Variants in PRPF3 observed in about 807,000 individuals in gnomAD.
PRPF3 encodes pre-mRNA processing factor 3, also known as U4/U6 small nuclear ribonucleoprotein Prp3.
PRPF3 carries 3 observed loss-of-function variants against 89.2 expected under a neutral mutation model. The observed-to-expected ratio is 0.03, with a 90% CI of 0.02 to 0.09. PRPF3 has a LOEUF of 0.09. Among genes scored for constraint, PRPF3 ranks in the 10% least tolerant of loss-of-function variants. The pLI is 1.00. For missense variants in PRPF3, 463 were observed against 828.8 expected (o/e 0.56, Z 5.42); for synonymous variants, 270 against 289.1 (o/e 0.93, Z 0.67).
At chr1:150,329,798 C>T (rs1429380797) in intron 4 of PRPF3, 1 of 152,136 alleles carries the variant, frequency 6.6e-6, no homozygotes, top group Non-Finnish European at 1.5e-5. Flanking sequence ...TTCTCTCTGT[C>T]ACTCAGGCTG....
At chr1:150,324,393 A>G (rs1023631628) in intron 1 of PRPF3, among the ~76,000 whole-genome samples, 17 of 152,324 alleles carry the variant, frequency 1.1e-4, no homozygotes, top group African/African-American at 4.1e-4. Flanking sequence ...TCAACTTAAG[A>G]GTTAGAATTA....
rs782509534 is a variant in PRPF3 at position 150,332,753 on chromosome 1, C to T, written c.493C>T (p.Pro165Ser). Residue 165 changes from proline to serine, a missense_variant, in exon 5 of 16, where the codon CCC (proline) becomes TCC (serine). This residue lies in a region of PRPF3 where 38 missense variants were observed against 48.3 expected (regional missense o/e 0.79). Coordinates refer to ENST00000324862, the MANE Select transcript of PRPF3 (RefSeq NM_004698.4). ...GAAAAAACAGCTGAGCTTCATTAGC[C>T]CCCCTACACCTCAGGTATTGTGTCT... is the stretch of plus-strand genomic sequence containing the variant. ...ERKKQLSFIS[P>S]PTPQPKTPSS... 13 of 1,613,866 alleles carry T rather than the reference C, an allele frequency of 8.1e-6. No homozygotes were observed. The highest frequency in any genetic ancestry group is 1.0e-5 in the Non-Finnish European group (12 of 1,179,950).
chr1:150,328,870 T>C (rs1037978969), intron 4 of PRPF3, among the ~76,000 whole-genome samples: 7 of 151,990 alleles, frequency 4.6e-5, no homozygotes, highest in Non-Finnish European at 1.0e-4. Flanking sequence ...TGTATTTCTT[T>C]TAGTAGAGAC....
chr1:150,324,556 T>TTC (rs1655479924), intron 1 of PRPF3, among the ~76,000 whole-genome samples: 1 of 8,838 alleles, frequency 1.1e-4, no homozygotes, highest in East Asian at 0.1. Context: ...CACTTTAGTC[T>TTC]TTTTTTTTTT....
intron 15 of PRPF3, among the ~76,000 whole-genome samples, chr1:150,350,995 A>G (rs1436865964): frequency 1.3e-5 from 2 of 151,158 alleles, no homozygotes; most frequent in African/African-American, 4.9e-5. Flanking sequence ...GGCCAGGTGC[A>G]GTGGCTCATG....
intron 14 of PRPF3, among the ~76,000 whole-genome samples, chr1:150,347,911 A>G (rs1400610710): frequency 2.0e-5 from 3 of 152,210 alleles, no homozygotes; most frequent in Non-Finnish European, 4.4e-5. Context: ...AAATCTCAAA[A>G]TTTAAAATTT....
intron 8 of PRPF3, among the ~76,000 whole-genome samples, 178 bp from the exon 9 acceptor site, chr1:150,340,220 C>T (rs1553869895): frequency 6.6e-6 from 1 of 152,096 alleles, no homozygotes; most frequent in East Asian, 1.9e-4. Context: ...TCAGTTTTCT[C>T]ATCATGAAAA....
chr1:150,328,108 T>G, intron 3 of PRPF3: 1 of 567,312 alleles, frequency 1.8e-6, no homozygotes, highest in South Asian at 2.0e-5. Context: ...TATAAGAACA[T>G]GGGAATGAAA....
In PRPF3 at chr1:150,344,422, C is replaced by T; in HGVS notation, c.1527-12C>T. 1 of 1,614,178 alleles carries T rather than the reference C, an allele frequency of 6.2e-7. No homozygotes were observed. The highest frequency in any genetic ancestry group is 8.5e-7 in the Non-Finnish European group (1 of 1,180,028). Reference sequence around the variant, plus strand: ...CCTTTCTCACTTGTGGATGTCCTTCCTGTCACGACAGAGCGCATGAAGAGG... The same window carrying T: ...CCTTTCTCACTTGTGGATGTCCTTCTTGTCACGACAGAGCGCATGAAGAGG... On this transcript the variant is annotated splice_polypyrimidine_tract_variant and intron_variant, in intron 11 of 15. Coordinates refer to ENST00000324862, the MANE Select transcript of PRPF3 (RefSeq NM_004698.4).
At chr1:150,343,558 A>C in intron 10 of PRPF3, 106 bp downstream of exon 10, 1 of 1,456,152 alleles carries the variant, frequency 6.9e-7, no homozygotes, top group Admixed American at 1.9e-5. Context: ...TGTTTCTAAG[A>C]ATTATTCTTG....
intron 14 of PRPF3, among the ~76,000 whole-genome samples, chr1:150,346,988 A>G (rs587693638): frequency 1.3e-5 from 2 of 152,170 alleles, no homozygotes; most frequent in African/African-American, 4.8e-5. Context: ...CTACTCAGGA[A>G]GCTGAGGTGG....
At chr1:150,326,002 A>C in intron 3 of PRPF3, 121 bp downstream of exon 3, 1 of 1,263,564 alleles carries the variant, frequency 7.9e-7, no homozygotes, top group Non-Finnish European at 1.1e-6. Flanking sequence ...CAAGAGAGGT[A>C]CTTAGACATT....
chr1:150,333,396 A>G (rs782634125), intron 6 of PRPF3, among the ~76,000 whole-genome samples, 197 bp downstream of exon 6: 1 of 152,070 alleles, frequency 6.6e-6, no homozygotes, highest in Non-Finnish European at 1.5e-5. Context: ...GTGAAAACCC[A>G]TCTCTACTAA....
In PRPF3 at chr1:150,328,277, A is replaced by C. The variant is rs782314132; in HGVS notation, c.277-43A>C. On this transcript the variant is annotated intron_variant, in intron 3 of 15. Coordinates refer to ENST00000324862, the MANE Select transcript of PRPF3 (RefSeq NM_004698.4). ...CTAGGATAATTCTTCCCTTCTCCCC[A>C]CGGGGAGGGATACAGCTTTTCTTTC... 4 of 1,606,742 alleles carry C rather than the reference A, an allele frequency of 2.5e-6. No individual in the cohort carries two copies. In the East Asian group the frequency reaches 6.7e-5, roughly 27 times the overall value.
intron 3 of PRPF3, 129 bp from the exon 4 acceptor site, chr1:150,328,191 G>A: frequency 9.7e-7 from 1 of 1,035,654 alleles, no homozygotes; most frequent in East Asian, 2.4e-5. Context: ...CTTCTGGCAG[G>A]TGGCTATTTG....
chr1:150,346,457 G>A lies in PRPF3; in HGVS notation c.1809G>A (p.Lys603=), dbSNP rs1658279691. 2 of 1,614,052 alleles carry A rather than the reference G, an allele frequency of 1.2e-6. No individual in the cohort carries two copies. The highest frequency in any genetic ancestry group is 1.7e-6 in the Non-Finnish European group (2 of 1,179,942). ...AGCGTCTTATGCTGCATCGGATAAA[G>A]TGGGATGAACAGACATCTAACACAA... The part of the protein sequence containing the change: ...KFKRLMLHRI[K]WDEQTSNTKG... The change falls in exon 14 of 16, where the codon AAG becomes AAA. Residue 603 remains lysine (K), a synonymous_variant. Transcript: ENST00000324862.
chr1:150,332,530 T>G (rs969638286), intron 4 of PRPF3, among the ~76,000 whole-genome samples, 154 bp from the exon 5 acceptor site: 1 of 152,238 alleles, frequency 6.6e-6, no homozygotes, highest in Non-Finnish European at 1.5e-5. Flanking sequence ...TTATCTTGAC[T>G]AAATTTTTTG....
chr1:150,329,548 G>A (rs962772991), intron 4 of PRPF3, among the ~76,000 whole-genome samples: 7 of 152,078 alleles, frequency 4.6e-5, no homozygotes, highest in East Asian at 3.9e-4. Context: ...CAAACATAAT[G>A]CAAAGAAGAT....
At chr1:150,345,865 A>G (rs782412270) in intron 12 of PRPF3, 153 bp from the exon 13 acceptor site, 53 of 744,918 alleles carry the variant, frequency 7.1e-5, no homozygotes, top group African/African-American at 1.0e-4. Context: ...AGACTCATCA[A>G]CTCTACCTTT....
Sources: gnomAD v4.1 joint callset for allele counts (sites outside exome capture counted in the v4.1 genomes callset) on GRCh38, gnomAD v4.1.1 for gene constraint, gnomAD v4.1.1 regional missense constraint, MANE v1.5 for transcripts, NCBI Gene and HGNC (gene_info 2026-07-23, HGNC 2026-07-21) for gene names.